Variants in MEGF10 observed in about 807,000 individuals in gnomAD.
The protein encoded by MEGF10 is multiple EGF like domains 10.
In MEGF10, 86 loss-of-function variants were observed where a neutral mutation model predicts 147.5. The ratio of observed to expected loss-of-function variants is 0.58; its 90% CI spans 0.49 to 0.70. The LOEUF is 0.70. Among genes scored for constraint, MEGF10 ranks in the 30% least tolerant of loss-of-function variants. The probability of loss-of-function intolerance (pLI) is 0.00; values close to 1 mark genes in which losing one functional copy is unlikely to be tolerated. For synonymous variants in MEGF10, 478 were observed against 525.5 expected, an observed-to-expected ratio of 0.91 and a Z score of 1.24; for missense variants, 1,329 against 1,487.3, an observed-to-expected ratio of 0.89 and a Z score of 1.75.
At chr5:127,314,335 G>T (rs554868607) in intron 1 of MEGF10, among the ~76,000 whole-genome samples, 15 of 152,298 alleles carry the variant, frequency 9.8e-5, no homozygotes, top group Admixed American at 7.8e-4. Context: ...GTAGAAGTCA[G>T]GGAGGAGTAG....
At chr5:127,304,029 T>G (rs1389030777) in intron 1 of MEGF10, among the ~76,000 whole-genome samples, 1 of 152,226 alleles carries the variant, frequency 6.6e-6, no homozygotes, top group Non-Finnish European at 1.5e-5. Context: ...TTTGTCTAGG[T>G]CACTTCTGTT....
chr5:127,320,559 GTTGTGGCT>G (rs1760749129), intron 1 of MEGF10, among the ~76,000 whole-genome samples: 1 of 152,216 alleles, frequency 6.6e-6, no homozygotes, highest in Non-Finnish European at 1.5e-5. Context: ...TGGGATTTGG[GTTGTGGCT>G]TTGTATATTT....
At position 127,410,494 on chromosome 5, in the gene MEGF10, T is replaced by C. The variant is rs1346316233; in HGVS notation, c.1023T>C (p.Cys341=). The C allele has an allele frequency of 1.2e-5, 19 of 1,614,186 alleles. No individual in the cohort carries two copies. The highest frequency in any genetic ancestry group is 1.6e-4 in the Middle Eastern group (1 of 6,062). Residue 341 remains cysteine (C), a synonymous_variant, in exon 9 of 25, where the codon TGT becomes TGC. Transcript: ENST00000503335. ...ACCACGTGAGCGGCGCATGCCTCTG[T>C]GAAGCAGGCTTTGCTGGCGAGCGCT... ...KCYHVSGACL[C]EAGFAGERCE...
At chr5:127,288,159 T>C (rs1441102588), upstream of MEGF10, among the ~76,000 whole-genome samples, 2 of 152,048 alleles carry the variant, frequency 1.3e-5, no homozygotes, top group African/African-American at 4.8e-5. Context: ...TAAGAAGCCA[T>C]AGAAAATCTT....
chr5:127,415,044 G>C (rs993605505), intron 9 of MEGF10, among the ~76,000 whole-genome samples: 1 of 151,664 alleles, frequency 6.6e-6, no homozygotes. Flanking sequence ...TAAGAACATG[G>C]AATAGCCCAT....
At chr5:127,368,768 A>G (rs1240371115) in intron 4 of MEGF10, among the ~76,000 whole-genome samples, 1 of 152,168 alleles carries the variant, frequency 6.6e-6, no homozygotes, top group African/African-American at 2.4e-5. Flanking sequence ...ATATACATAT[A>G]TACACACATA....
the MEGF10 span, among the ~76,000 whole-genome samples, chr5:127,230,035 C>T: frequency 6.6e-6 from 1 of 152,134 alleles, no homozygotes; most frequent in Non-Finnish European, 1.5e-5. Context: ...ATTTTTATGG[C>T]ATCTAAAATT....
intron 4 of MEGF10, among the ~76,000 whole-genome samples, chr5:127,349,341 T>C (rs1762007978): frequency 6.6e-6 from 1 of 152,172 alleles, no homozygotes; most frequent in Admixed American, 6.6e-5. Flanking sequence ...ATATTTATTT[T>C]TATACGGTAA....
intron 1 of MEGF10, among the ~76,000 whole-genome samples, chr5:127,314,611 A>C (rs1760445711): frequency 6.6e-6 from 1 of 152,216 alleles, no homozygotes. Context: ...AAGTAAGTTG[A>C]CAGAAAGCTT....
chr5:127,315,828 A>G (rs1447848624), intron 1 of MEGF10, among the ~76,000 whole-genome samples: 1 of 152,178 alleles, frequency 6.6e-6, no homozygotes, highest in Non-Finnish European at 1.5e-5. Context: ...TATTTCAAGC[A>G]TATATTTTGA....
intron 1 of MEGF10, among the ~76,000 whole-genome samples, chr5:127,320,690 C>T (rs1368132024): frequency 4.6e-5 from 7 of 152,228 alleles, no homozygotes; most frequent in African/African-American, 1.4e-4. Flanking sequence ...CTTTTACCTA[C>T]TTATACTTCC....
the MEGF10 span, among the ~76,000 whole-genome samples, chr5:127,282,302 G>C: frequency 6.6e-6 from 1 of 152,154 alleles, no homozygotes; most frequent in South Asian, 2.1e-4. Flanking sequence ...GAGTTTCTTA[G>C]TTTTTTCCTA....
chr5:127,358,397 G>C (rs1243323018), intron 4 of MEGF10, among the ~76,000 whole-genome samples: 1 of 152,158 alleles, frequency 6.6e-6, no homozygotes, highest in Non-Finnish European at 1.5e-5. Context: ...ATGTGATTCA[G>C]ATGTATTGGA....
intron 1 of MEGF10, among the ~76,000 whole-genome samples, chr5:127,292,585 T>C (rs1444436361): frequency 2.0e-5 from 3 of 152,344 alleles, no homozygotes; most frequent in African/African-American, 2.4e-5. Flanking sequence ...ACATGATCTT[T>C]GTATTGCTTT....
the MEGF10 span, among the ~76,000 whole-genome samples, chr5:127,237,524 T>A: frequency 2.4e-4 from 37 of 152,050 alleles, no homozygotes; most frequent in Non-Finnish European, 3.8e-4. Context: ...TTAACTTTGA[T>A]AAATGGTGGG....
chr5:127,377,089 C>T (rs1763059668), intron 5 of MEGF10, among the ~76,000 whole-genome samples: 1 of 152,114 alleles, frequency 6.6e-6, no homozygotes, highest in Admixed American at 6.6e-5. Context: ...CTAGACTTTC[C>T]TCATTCATAA....
At chr5:127,436,444 AGT>A (rs1231386490) in intron 16 of MEGF10, among the ~76,000 whole-genome samples, 2 of 152,132 alleles carry the variant, frequency 1.3e-5, no homozygotes, top group Non-Finnish European at 2.9e-5. Context: ...TGGTGAAAGA[AGT>A]GTTATGCGAT....
At chr5:127,306,026 G>A (rs140493371) in intron 1 of MEGF10, among the ~76,000 whole-genome samples, 47 of 152,330 alleles carry the variant, frequency 3.1e-4, no homozygotes, top group African/African-American at 1.1e-3. Context: ...TAGAGTTCAG[G>A]TGTGGCAGGC....
chr5:127,295,832 T>A (rs1056055728), intron 1 of MEGF10, among the ~76,000 whole-genome samples: 1 of 152,226 alleles, frequency 6.6e-6, no homozygotes, highest in Non-Finnish European at 1.5e-5. Flanking sequence ...ATTAGTTTAG[T>A]TTTAAGAATT....
Sources: gnomAD v4.1 joint callset for allele counts (sites outside exome capture counted in the v4.1 genomes callset) on GRCh38, gnomAD v4.1.1 for gene constraint, MANE v1.5 for transcripts, NCBI Gene and HGNC (gene_info 2026-07-23, HGNC 2026-07-21) for gene names.